Variants in FHIP1B observed in about 807,000 individuals in gnomAD.
FHIP1B encodes FHF complex subunit HOOK-interacting protein 1B.
Under a neutral mutation model 82.2 loss-of-function variants are expected in FHIP1B, and 28 were observed. The observed-to-expected ratio is 0.34, with a 90% CI of 0.25 to 0.47. The LOEUF (loss-of-function observed/expected upper bound fraction) is 0.47. Ranked by LOEUF, FHIP1B falls within the 20% of genes least tolerant of loss-of-function variation. The pLI, the probability that FHIP1B is intolerant of heterozygous loss-of-function variation, is 1.00. For missense variants in FHIP1B, 1,110 were observed against 1,262.6 expected (o/e 0.88, Z 1.83); for synonymous variants, 585 against 516.1 (o/e 1.13, Z -1.81).
intron 10 of FHIP1B, 21 bp downstream of exon 10, chr11:6,214,712 A>G: frequency 6.4e-7 from 1 of 1,551,360 alleles, no homozygotes; most frequent in East Asian, 2.3e-5. Context: ...GGACGCACCC[A>G]TGCATGCATG....
chr11:6,215,340 T>A (rs1847195697), intron 9 of FHIP1B: 1 of 155,060 alleles, frequency 6.4e-6, no homozygotes, highest in African/African-American at 2.4e-5. Context: ...AAATTTTAAG[T>A]GTTCAGTTAT....
In FHIP1B at chr11:6,217,733, C is replaced by G. The variant is rs1224808936; in HGVS notation, c.1853G>C (p.Gly618Ala). Reference sequence around the variant, plus strand: ...GCCCTCCCCTGCACCCCCAGCCCGCCCCCTCCTCCCCAGCTCTTCCTCCTC... The same window carrying G: ...GCCCTCCCCTGCACCCCCAGCCCGCGCCCTCCTCCCCAGCTCTTCCTCCTC... ...EGEEEELGRR[G>A]RAGGAGEGPG... Residue 618 changes from glycine (G) to alanine (A), a missense_variant, in exon 9 of 12, where the codon GGG becomes GCG. Around this residue, in one of 6 missense-constraint regions of FHIP1B, gnomAD observed 418 missense variants for 371.4 expected, o/e 1.13. Transcript: ENST00000449352. The G allele has an allele frequency of 7.5e-6, 12 of 1,604,982 alleles. No homozygotes were observed. Among genetic ancestry groups the G allele is most frequent in the Non-Finnish European group, 1.0e-5 (12 of 1,175,294 alleles).
Position 6,217,908 on chromosome 11 carries a change from G to C in FHIP1B, c.1678C>G (p.Arg560Gly). The C allele has an allele frequency of 6.2e-7, 1 of 1,612,922 alleles. No homozygotes were observed. Among genetic ancestry groups the C allele is most frequent in the Non-Finnish European group, 8.5e-7 (1 of 1,180,030 alleles). Reference protein sequence around the residue: ...NYLEYLREARRGVDRCVRACR... With the variant: ...NYLEYLREARGGVDRCVRACR... The stretch of plus-strand genomic sequence containing the variant: ...GCTCGGACACAGCGGTCCACACCAC[G>C]ACGTGCCTCACGCAGATACTCCAGG... The change falls in exon 9 of 12, where the codon CGT becomes GGT. Residue 560 changes from arginine to glycine, a missense_variant. By Grantham distance (125) the Arg-to-Gly change is moderately radical (BLOSUM62 -2). Transcript: ENST00000449352.
Position 6,223,804 on chromosome 11 carries a change from C to G in FHIP1B, c.583G>C (p.Glu195Gln), listed in dbSNP as rs759448155. ...VCVAQEPSLLEFFLQPPPEPG... is the reference protein window; with the variant it reads ...VCVAQEPSLLQFFLQPPPEPG... ...TCAGGAGGTGGCTGCAGGAAGAACTCGAGCAATGAAGGCTCCTGGGCCACA... is the reference window on the plus strand; with the variant it reads ...TCAGGAGGTGGCTGCAGGAAGAACTGGAGCAATGAAGGCTCCTGGGCCACA... The change falls in exon 3 of 12, where the codon GAG (glutamate) becomes CAG (glutamine). Residue 195 changes from glutamate (E) to glutamine (Q), a missense_variant. By Grantham distance (29) the Glu-to-Gln change is conservative. Around this residue, in one of 6 missense-constraint regions of FHIP1B, gnomAD observed 467 missense variants for 602.9 expected, o/e 0.77. Coordinates refer to ENST00000449352, the MANE Select transcript of FHIP1B (RefSeq NM_001098794.2). This position sits in a 1 kb window ranked among gnomAD's most constrained non-coding sequence, Gnocchi z 4.8. 3 of 1,614,184 alleles carry G rather than the reference C, an allele frequency of 1.9e-6. No individual in the cohort carries two copies. In the South Asian group the frequency reaches 3.3e-5, roughly 18 times the overall value.
At chr11:6,228,267 T>C (rs1217229799) in intron 1 of FHIP1B, among the ~76,000 whole-genome samples, 2 of 152,104 alleles carry the variant, frequency 1.3e-5, no homozygotes, top group African/African-American at 4.8e-5. Context: ...GGAGAATCGC[T>C]TGAACCCAGG....
rs759228110 is a variant in FHIP1B, at chr11:6,217,696, C to T, written c.1890G>A (p.Leu630=). 3.0e-5 allele frequency: 49 copies of T among 1,612,916 alleles called. No homozygotes were observed. In the Admixed American group the frequency reaches 7.2e-4, roughly 24 times the overall value. The part of the protein sequence containing the change: ...AGGAGEGPGH[L]PPPQLNGVPG... ...GCACTCCATTGAGCTGGGGAGGGGG[C>T]AGGTGACCAGGGCCCTCCCCTGCAC... Residue 630 remains leucine (L), a synonymous_variant, in exon 9 of 12, where the codon CTG becomes CTA. Coordinates refer to ENST00000449352, the MANE Select transcript of FHIP1B (RefSeq NM_001098794.2).
At chr11:6,230,112 T>C (rs188955624) in intron 1 of FHIP1B, among the ~76,000 whole-genome samples, 1 of 151,808 alleles carries the variant, frequency 6.6e-6, no homozygotes, top group East Asian at 1.9e-4. Flanking sequence ...TAGCCCAAAA[T>C]ACAGCCTTAC....
At chr11:6,232,685 C>T (rs1847727578) in intron 1 of FHIP1B, among the ~76,000 whole-genome samples, 1 of 152,174 alleles carries the variant, frequency 6.6e-6, no homozygotes, top group South Asian at 2.1e-4. Context: ...AGCATGAATG[C>T]TGTTCAGATG....
Position 6,217,720 on chromosome 11 carries a change from A to AACCCCCC in FHIP1B, c.1865_1866insGGGGGGT (p.Ala623GlyfsTer24). 1 of 1,518,728 alleles carries AACCCCCC rather than the reference A, an allele frequency of 6.6e-7. No homozygotes were observed. Among genetic ancestry groups the AACCCCCC allele is most frequent in the Non-Finnish European group, 9.0e-7 (1 of 1,105,054 alleles). 94.1% of individuals were successfully genotyped at this position (1,518,728 alleles called of 1,614,324 possible). ...GCAGGTGACCAGGGCCCTCCCCTGC[A>AACCCCCC]CCCCCAGCCCGCCCCCTCCTCCCCA... On this transcript the variant is annotated frameshift_variant, in exon 9 of 12. Transcript: ENST00000449352. LOFTEE classifies it high-confidence loss of function.
intron 1 of FHIP1B, among the ~76,000 whole-genome samples, chr11:6,227,918 T>C (rs325622): frequency 0.048 from 7,253 of 152,302 alleles, 533 homozygotes; most frequent in African/African-American, 0.16. Flanking sequence ...TATAGTTCTA[T>C]AGAAAGATCA....
At position 6,217,374 on chromosome 11, in the gene FHIP1B, T is replaced by C. The variant is rs534028611; in HGVS notation, c.2212A>G (p.Thr738Ala). The C allele has an allele frequency of 4.3e-6, 7 of 1,613,648 alleles. No homozygotes were observed. The highest frequency in any genetic ancestry group is 5.9e-6 in the Non-Finnish European group (7 of 1,179,898). Reference sequence around the variant, plus strand: ...AGGCCTAGGCTAAGTAGCTTACCAGTGAAGGGCTGGCTTGGCAGCTGGTTG... The same window carrying C: ...AGGCCTAGGCTAAGTAGCTTACCAGCGAAGGGCTGGCTTGGCAGCTGGTTG... ...TLNQLPSQPFTGPFMAVLFAK... is the reference protein window; with the variant it reads ...TLNQLPSQPFAGPFMAVLFAK... Residue 738 changes from threonine to alanine, a missense_variant, in exon 9 of 12, where the codon ACT (threonine) becomes GCT (alanine). By Grantham distance (58) the Thr-to-Ala change is moderately conservative. Transcript: ENST00000449352.
At chr11:6,231,924 T>C (rs1160115007) in intron 1 of FHIP1B, among the ~76,000 whole-genome samples, 1 of 152,258 alleles carries the variant, frequency 6.6e-6, no homozygotes, top group Non-Finnish European at 1.5e-5. Flanking sequence ...GTTTTATTCA[T>C]GTTGTTATCC....
intron 11 of FHIP1B, among the ~76,000 whole-genome samples, chr11:6,213,575 T>C (rs1274295491): frequency 1.3e-5 from 2 of 152,202 alleles, no homozygotes; most frequent in Non-Finnish European, 2.9e-5. Context: ...CCTCCCTGAA[T>C]TCCCTGTACT....
chr11:6,215,214 A>C (rs1001455087), intron 9 of FHIP1B: 1 of 261,740 alleles, frequency 3.8e-6, no homozygotes, highest in African/African-American at 2.2e-5. Flanking sequence ...TGGACAGGTC[A>C]AAATTGTCCA....
chr11:6,223,275 A>G lies in FHIP1B; in HGVS notation c.778-37T>C, dbSNP rs3793994. 243 of 1,560,038 alleles carry G rather than the reference A, an allele frequency of 1.6e-4. 3 individuals carry two copies. The East Asian group carries it at 5.0e-3, about 32-fold the overall frequency. On this transcript the variant is annotated intron_variant, in intron 3 of 11. Coordinates refer to ENST00000449352, the MANE Select transcript of FHIP1B (RefSeq NM_001098794.2). The surrounding 1 kb of genome is among the most constrained non-coding windows in gnomAD (Gnocchi z 4.8). ...TACCAAAAGCTCATATATAAAATAC[A>G]TTTATAAAATATAAAAACTGGAACA...
intron 6 of FHIP1B, among the ~76,000 whole-genome samples, chr11:6,221,179 T>C (rs147564502): frequency 6.6e-6 from 1 of 152,248 alleles, no homozygotes; most frequent in African/African-American, 2.4e-5. Context: ...ATATTTCTTA[T>C]ACACCCTAAC....
chr11:6,222,758 A>G, intron 5 of FHIP1B, 53 bp downstream of exon 5: 2 of 1,582,954 alleles, frequency 1.3e-6, no homozygotes, highest in East Asian at 4.5e-5. Context: ...CCTGTCACTG[A>G]GGTTACCACT....
Position 6,224,506 on chromosome 11 carries a change from A to G in FHIP1B, c.11T>C (p.Met4Thr), listed in dbSNP as rs760178555. The G allele has an allele frequency of 6.2e-7, 1 of 1,612,458 alleles. No homozygotes were observed. The highest frequency in any genetic ancestry group is 8.5e-7 in the Non-Finnish European group (1 of 1,179,186). MER[M>T]NWLSRLASRG... is the part of the protein sequence containing the mutation. Reference sequence around the variant, plus strand: ...GGAGGCCAGTCTGCTCAGCCAATTCATCCTCTCCATGAGGCAGGCTGGGCA... The same window carrying G: ...GGAGGCCAGTCTGCTCAGCCAATTCGTCCTCTCCATGAGGCAGGCTGGGCA... The change falls in exon 2 of 12, where the codon ATG becomes ACG. Residue 4 changes from methionine to threonine, a missense_variant. Met to Thr is a moderately conservative substitution (Grantham distance 81). This residue lies in a region of FHIP1B where 467 missense variants were observed against 602.9 expected (regional missense o/e 0.77). Coordinates refer to ENST00000449352, the MANE Select transcript of FHIP1B (RefSeq NM_001098794.2).
chr11:6,232,760 C>T (rs1847730012), intron 1 of FHIP1B, among the ~76,000 whole-genome samples: 1 of 152,138 alleles, frequency 6.6e-6, no homozygotes, highest in Non-Finnish European at 1.5e-5. Context: ...GCCACACCAT[C>T]ATCACTTTAA....
Sources: allele counts gnomAD v4.1 joint callset (sites outside exome capture counted in the v4.1 genomes callset), GRCh38; gene constraint gnomAD v4.1.1; regional missense constraint gnomAD v4.1.1; non-coding constraint Gnocchi (gnomAD v3.1); transcripts MANE v1.5; gene names NCBI Gene and HGNC (gene_info 2026-07-23, HGNC 2026-07-21).